The following PDE11A variants were observed in gnomAD, a reference collection of about 807,000 sequenced individuals.
PDE11A encodes the protein phosphodiesterase 11A, also known as dual 3',5'-cyclic-AMP and -GMP phosphodiesterase 11A.
Under a neutral mutation model 100.5 loss-of-function variants are expected in PDE11A, and 100 were observed. The observed-to-expected ratio is 1.00, with a 90% CI of 0.85 to 1.18. The LOEUF is 1.18. PDE11A is among the 50% of genes most tolerant of loss of function. The pLI is 0.00. For synonymous variants in PDE11A, 381 were observed against 420.8 expected, an observed-to-expected ratio of 0.91 and a Z score of 1.16; for missense variants, 1,141 against 1,152.6, an observed-to-expected ratio of 0.99 and a Z score of 0.15.
At chr2:177,945,882 G>T (rs2085415175) in intron 2 of PDE11A, among the ~76,000 whole-genome samples, 1 of 141,388 alleles carries the variant, frequency 7.1e-6, no homozygotes, top group Admixed American at 7.0e-5. Context: ...AGGTGGGGGG[G>T]TCAGCCCCCT....
At position 177,856,827 on chromosome 2, in the gene PDE11A, A is replaced by G. The variant is rs563435619; in HGVS notation, c.1368-16444T>C. 1.1e-4 allele frequency among the ~76,000 whole-genome samples: 16 copies of G among 152,166 alleles called. No individual in the cohort carries two copies. The South Asian group carries it at 2.3e-3, about 22-fold the overall frequency. ...GTGGGATACCATCAAGCATACAAAC[A>G]TAAGCATAATGAGGATTCTCAGCAA... On this transcript the variant is annotated intron_variant, in intron 5 of 19. Transcript: ENST00000286063.
intron 19 of PDE11A, among the ~76,000 whole-genome samples, chr2:177,634,390 C>CTCT (rs1553529829): frequency 6.8e-6 from 1 of 146,388 alleles, no homozygotes; most frequent in African/African-American, 2.5e-5. Flanking sequence ...TTCTCTCTCT[C>CTCT]TTTTTTTTTT....
At chr2:177,727,436 A>C (rs764123050) in intron 12 of PDE11A, among the ~76,000 whole-genome samples, 11 of 152,168 alleles carry the variant, frequency 7.2e-5, no homozygotes, top group Non-Finnish European at 1.5e-4. Context: ...ACAGAAGCTC[A>C]AGTAATCATT....
intron 19 of PDE11A, among the ~76,000 whole-genome samples, chr2:177,637,722 C>G (rs1294206604): frequency 2.7e-5 from 4 of 150,808 alleles, no homozygotes; most frequent in Non-Finnish European, 5.9e-5. Flanking sequence ...TCTTTTCCCT[C>G]TGGGACTCTA....
chr2:177,634,906 A>C (rs1424235245), intron 19 of PDE11A, among the ~76,000 whole-genome samples: 2 of 152,186 alleles, frequency 1.3e-5, no homozygotes, highest in Non-Finnish European at 2.9e-5. Context: ...GCTATTGTCT[A>C]GTTTGACTTG....
At chr2:177,901,255 C>G (rs187630551) in intron 3 of PDE11A, among the ~76,000 whole-genome samples, 2 of 152,050 alleles carry the variant, frequency 1.3e-5, no homozygotes, top group African/African-American at 4.8e-5. Flanking sequence ...TGACCCCCCC[C>G]ATCCATGAGC....
At chr2:177,815,144 G>A (rs1181081039) in intron 9 of PDE11A, among the ~76,000 whole-genome samples, 1 of 152,110 alleles carries the variant, frequency 6.6e-6, no homozygotes, top group Non-Finnish European at 1.5e-5. Flanking sequence ...AGAATTTGAT[G>A]ATGGTGAAGG....
intron 14 of PDE11A, 52 bp downstream of exon 14, chr2:177,701,069 A>G (rs964818277): frequency 3.1e-6 from 3 of 976,664 alleles, no homozygotes; most frequent in Non-Finnish European, 5.0e-6. Context: ...GGAGGAAACA[A>G]AGAGTTGTTT....
At chr2:177,650,361 C>T (rs780524855) in intron 19 of PDE11A, among the ~76,000 whole-genome samples, 1 of 152,216 alleles carries the variant, frequency 6.6e-6, no homozygotes, top group Non-Finnish European at 1.5e-5. Context: ...TAGTCCTTTT[C>T]TGATGCAATG....
chr2:177,890,180 T>G (rs2084507311), intron 4 of PDE11A, among the ~76,000 whole-genome samples: 1 of 152,214 alleles, frequency 6.6e-6, no homozygotes, highest in African/African-American at 2.4e-5. Flanking sequence ...TGAATTAGCC[T>G]TCAAATATCT....
In PDE11A at chr2:177,639,293, T is replaced by C. The variant is rs551503516; in HGVS notation, c.2647-9731A>G. Among the ~76,000 whole-genome samples the C allele has an allele frequency of 6.6e-5, 10 of 152,370 alleles. No homozygotes were observed. The South Asian group carries it at 1.0e-3, about 16-fold the overall frequency. On this transcript the variant is annotated intron_variant, in intron 19 of 19. Transcript: ENST00000286063. The stretch of plus-strand genomic sequence containing the variant: ...TTGTTGTTGTTGTTTTGTTTTGTTT[T>C]GGCCCGTTACTCAACCATGGCTAGT...
chr2:178,035,193 A>G (rs2086596648), intron 1 of PDE11A, among the ~76,000 whole-genome samples: 1 of 152,188 alleles, frequency 6.6e-6, no homozygotes, highest in Non-Finnish European at 1.5e-5. Flanking sequence ...GATAAAGGGG[A>G]TATCACCACT....
chr2:177,749,078 C>T (rs4893840), intron 10 of PDE11A, among the ~76,000 whole-genome samples: 108,899 of 152,158 alleles, frequency 0.72, 40,324 homozygotes, highest in East Asian at 0.86. Context: ...TTTCTTTAAG[C>T]CAAATACAGT....
intron 1 of PDE11A, among the ~76,000 whole-genome samples, chr2:178,067,530 G>C (rs1159222790): frequency 6.6e-6 from 1 of 151,992 alleles, no homozygotes; most frequent in South Asian, 2.1e-4. Context: ...CTATTTTGTT[G>C]GACTTGGAAT....
At chr2:177,790,794 C>G (rs1178589736) in intron 9 of PDE11A, among the ~76,000 whole-genome samples, 1 of 152,236 alleles carries the variant, frequency 6.6e-6, no homozygotes, top group Non-Finnish European at 1.5e-5. Flanking sequence ...AAATGCTCAT[C>G]ATCACTGGCC....
At chr2:177,768,144 CGAG>C (rs1018103768) in intron 10 of PDE11A, among the ~76,000 whole-genome samples, 3 of 152,132 alleles carry the variant, frequency 2.0e-5, no homozygotes, top group African/African-American at 7.2e-5. Flanking sequence ...CCGGCCCTTG[CGAG>C]GAGTTCTTTT....
chr2:177,695,002 T>A (rs879687638), intron 15 of PDE11A, among the ~76,000 whole-genome samples: 1 of 152,072 alleles, frequency 6.6e-6, no homozygotes, highest in Non-Finnish European at 1.5e-5. Context: ...AATTTCATTT[T>A]TTTTTTCTGT....
intron 4 of PDE11A, among the ~76,000 whole-genome samples, chr2:177,889,038 G>T (rs901287696): frequency 2.6e-5 from 4 of 152,086 alleles, no homozygotes; most frequent in African/African-American, 4.8e-5. Context: ...CTCATCACCT[G>T]CTTGGCTAGA....
At chr2:177,859,013 G>A (rs572049559) in intron 5 of PDE11A, among the ~76,000 whole-genome samples, 122 of 151,222 alleles carry the variant, frequency 8.1e-4, no homozygotes, top group Middle Eastern at 3.4e-3. Context: ...ACCAAACACC[G>A]CATGTTCTCG....
Sources: allele counts gnomAD v4.1 joint callset (sites outside exome capture counted in the v4.1 genomes callset), GRCh38; gene constraint gnomAD v4.1.1; transcripts MANE v1.5; gene names NCBI Gene and HGNC (gene_info 2026-07-23, HGNC 2026-07-21).